The following ATP2B2 variants were observed in gnomAD, a reference collection of about 807,000 sequenced individuals.
ATP2B2 encodes ATPase plasma membrane Ca2+ transporting 2.
ATP2B2 carries 15 observed loss-of-function variants against 120.0 expected under a neutral mutation model. The ratio of observed to expected loss-of-function variants is 0.12; its 90% CI spans 0.08 to 0.19. ATP2B2 has a LOEUF of 0.19. ATP2B2 is among the 10% of genes least tolerant of loss of function. The pLI is 1.00. For missense variants in ATP2B2, 1,045 were observed against 1,719.8 expected, an observed-to-expected ratio of 0.61 and a Z score of 6.94; for synonymous variants, 694 against 700.3, an observed-to-expected ratio of 0.99 and a Z score of 0.14.
intron 2 of ATP2B2, among the ~76,000 whole-genome samples, chr3:10,534,564 G>A (rs1022314127): frequency 9.8e-5 from 15 of 152,290 alleles, no homozygotes; most frequent in African/African-American, 2.2e-4. Context: ...AGATGCCACC[G>A]TTGTCCCCAT....
At chr3:10,469,634 A>G (rs2064897790) in intron 1 of ATP2B2, among the ~76,000 whole-genome samples, 1 of 152,176 alleles carries the variant, frequency 6.6e-6, no homozygotes, top group Non-Finnish European at 1.5e-5. Flanking sequence ...CAGCAGCTGT[A>G]TCAGATAGCA....
At chr3:10,648,556 T>C (rs1213422004) in intron 1 of ATP2B2, among the ~76,000 whole-genome samples, 1 of 152,206 alleles carries the variant, frequency 6.6e-6, no homozygotes, top group African/African-American at 2.4e-5. Context: ...GTTTCTTAAT[T>C]GATATTTCCA....
chr3:10,697,505 C>T (rs1375181646), intron 1 of ATP2B2, among the ~76,000 whole-genome samples: 1 of 152,102 alleles, frequency 6.6e-6, no homozygotes, highest in Non-Finnish European at 1.5e-5. Context: ...GAAAGAGTCC[C>T]CTTTAGGCTC....
At chr3:10,671,726 C>T (rs542211582) in intron 1 of ATP2B2, among the ~76,000 whole-genome samples, 2 of 152,200 alleles carry the variant, frequency 1.3e-5, no homozygotes, top group Admixed American at 6.5e-5. Flanking sequence ...TGGTGACTTA[C>T]TAAATGCCCC....
chr3:10,692,112 A>C (rs768873471), intron 1 of ATP2B2, among the ~76,000 whole-genome samples: 12 of 152,226 alleles, frequency 7.9e-5, no homozygotes, highest in Non-Finnish European at 1.3e-4. Flanking sequence ...TGATTTTCAA[A>C]GTGGCTCTAT....
At chr3:10,470,913 C>G (rs961778976) in intron 1 of ATP2B2, among the ~76,000 whole-genome samples, 1 of 152,168 alleles carries the variant, frequency 6.6e-6, no homozygotes. Flanking sequence ...GACAGCACAT[C>G]GGATACTGAC....
chr3:10,500,985 G>A (rs2066362205), intron 1 of ATP2B2, among the ~76,000 whole-genome samples: 1 of 152,174 alleles, frequency 6.6e-6, no homozygotes, highest in African/African-American at 2.4e-5. Flanking sequence ...GGACCAGAGG[G>A]CTTACACAGC....
chr3:10,363,697 T>A (rs2060964527), intron 12 of ATP2B2, among the ~76,000 whole-genome samples: 1 of 151,886 alleles, frequency 6.6e-6, no homozygotes, highest in Admixed American at 6.6e-5. Context: ...CCCATTAAGA[T>A]GGCTACTGTT....
At chr3:10,701,748 G>A (rs1015808852) in intron 1 of ATP2B2, among the ~76,000 whole-genome samples, 11 of 152,014 alleles carry the variant, frequency 7.2e-5, no homozygotes, top group African/African-American at 1.2e-4. Context: ...ATGCCCCTGC[G>A]AAATGCCCAG....
intron 1 of ATP2B2, among the ~76,000 whole-genome samples, chr3:10,637,785 G>T (rs922863624): frequency 6.6e-6 from 1 of 152,090 alleles, no homozygotes; most frequent in Admixed American, 6.5e-5. Flanking sequence ...AAACACACAG[G>T]CCTAAGAAGC....
chr3:10,566,921 C>T (rs1020782441), intron 2 of ATP2B2, among the ~76,000 whole-genome samples: 1 of 152,278 alleles, frequency 6.6e-6, no homozygotes, highest in Non-Finnish European at 1.5e-5. Flanking sequence ...GGTTCAGATA[C>T]GTACAAACAG....
chr3:10,408,524 C>T (rs1411274044), intron 3 of ATP2B2, among the ~76,000 whole-genome samples: 1 of 152,158 alleles, frequency 6.6e-6, no homozygotes, highest in Non-Finnish European at 1.5e-5. Flanking sequence ...TGAAGCTGGA[C>T]TGTGTGAAGC....
At chr3:10,552,136 A>G (rs1384325712) in intron 2 of ATP2B2, among the ~76,000 whole-genome samples, 1 of 152,210 alleles carries the variant, frequency 6.6e-6, no homozygotes, top group Non-Finnish European at 1.5e-5. Context: ...CGGAGAGGGA[A>G]CACCCTTCCC....
chr3:10,682,993 T>C (rs555983155), intron 1 of ATP2B2, among the ~76,000 whole-genome samples: 70 of 152,240 alleles, frequency 4.6e-4, no homozygotes, highest in Admixed American at 2.0e-3. Context: ...CTGTATGCAA[T>C]TGGGTAAAAG....
intron 2 of ATP2B2, among the ~76,000 whole-genome samples, chr3:10,608,248 T>A (rs1166228775): frequency 6.6e-6 from 1 of 152,218 alleles, no homozygotes; most frequent in African/African-American, 2.4e-5. Flanking sequence ...GCTGACCACA[T>A]CAAGCCCCCA....
At chr3:10,695,899 C>T (rs574238621) in intron 1 of ATP2B2, among the ~76,000 whole-genome samples, 2 of 152,316 alleles carry the variant, frequency 1.3e-5, no homozygotes, top group Non-Finnish European at 2.9e-5. Flanking sequence ...GACATTCCCA[C>T]AAGACAGATC....
chr3:10,597,777 G>A (rs1461322792), intron 2 of ATP2B2, among the ~76,000 whole-genome samples: 1 of 152,124 alleles, frequency 6.6e-6, no homozygotes, highest in African/African-American at 2.4e-5. Context: ...TTGCATATAA[G>A]TAAACTCTAC....
intron 5 of ATP2B2, among the ~76,000 whole-genome samples, chr3:10,396,474 T>C (rs569714081): frequency 1.2e-4 from 18 of 152,354 alleles, no homozygotes; most frequent in African/African-American, 4.3e-4. Flanking sequence ...TCAACCACCA[T>C]AACGACACCA....
chr3:10,533,176 C>T (rs748453652), intron 3 of ATP2B2, among the ~76,000 whole-genome samples: 9 of 152,140 alleles, frequency 5.9e-5, no homozygotes, highest in Non-Finnish European at 5.9e-5. Flanking sequence ...GAAAGGGCTT[C>T]AGGAGCACAG....
Sources: allele counts gnomAD v4.1 joint callset (sites outside exome capture counted in the v4.1 genomes callset), GRCh38; gene constraint gnomAD v4.1.1; transcripts MANE v1.5; gene names NCBI Gene and HGNC (gene_info 2026-07-23, HGNC 2026-07-21).